VDAC2: variants seen among roughly 807,000 people sequenced by gnomAD.
VDAC2 encodes voltage dependent anion channel 2.
In VDAC2, 6 loss-of-function variants were observed where a neutral mutation model predicts 36.6. That is an observed-to-expected ratio of 0.16 (90% CI 0.09 to 0.32). The LOEUF is 0.32. Ranked by LOEUF, VDAC2 falls within the 10% of genes least tolerant of loss-of-function variation. VDAC2 has a pLI of 1.00. For missense variants in VDAC2, 247 were observed against 346.0 expected, an observed-to-expected ratio of 0.71 and a Z score of 2.27; for synonymous variants, 109 against 123.8, an observed-to-expected ratio of 0.88 and a Z score of 0.79.
chr10:75,212,447 C>A, intron 3 of VDAC2, 149 bp downstream of exon 3: 2 of 733,484 alleles, frequency 2.7e-6, no homozygotes, highest in Non-Finnish European at 2.2e-6. Flanking sequence ...GGGTCTCCCT[C>A]TGTTGCCCAG....
At chr10:75,210,725 T>A (rs1269154115), upstream of VDAC2, 2 of 159,376 alleles carry the variant, frequency 1.3e-5, no homozygotes, top group Non-Finnish European at 2.7e-5. Context: ...AGGTTGGAGT[T>A]GGCAGCGGGC....
chr10:75,217,128 G>C (rs1841630055), intron 4 of VDAC2, among the ~76,000 whole-genome samples: 1 of 151,872 alleles, frequency 6.6e-6, no homozygotes, highest in South Asian at 2.1e-4. Flanking sequence ...TTGTTGGTGG[G>C]TACCTGAAGT....
chr10:75,227,576 A>AGTTTTTT (rs1841989654), intron 8 of VDAC2, among the ~76,000 whole-genome samples: 10 of 90,760 alleles, frequency 1.1e-4, no homozygotes, highest in African/African-American at 3.8e-4. Context: ...AAATAATAGG[A>AGTTTTTT]ATTTTTTTTT....
At chr10:75,211,225 C>T (rs1428893078) in intron 2 of VDAC2, 36 bp downstream of exon 2, 3 of 1,608,572 alleles carry the variant, frequency 1.9e-6, no homozygotes, top group African/African-American at 1.3e-5. Flanking sequence ...GATGGGGCGG[C>T]GGAGAGTCGA....
chr10:75,214,923 G>A (rs115489920), intron 4 of VDAC2, among the ~76,000 whole-genome samples: 3,232 of 152,154 alleles, frequency 0.021, 130 homozygotes, highest in African/African-American at 0.073. Context: ...AACTTTTTTC[G>A]AGACAGGGTC....
upstream of VDAC2, among the ~76,000 whole-genome samples, chr10:75,210,431 G>C (rs187206163): frequency 1.3e-5 from 2 of 152,194 alleles, no homozygotes; most frequent in African/African-American, 2.4e-5. Flanking sequence ...GAGTAGGAGA[G>C]ATCTACGTGA....
At chr10:75,218,169 T>C (rs966214461) in intron 4 of VDAC2, 7 of 344,156 alleles carry the variant, frequency 2.0e-5, no homozygotes, top group African/African-American at 1.1e-4. Context: ...GGCACATTAT[T>C]ATTTTTAGAC....
At chr10:75,214,401 T>C (rs1589999027) in intron 4 of VDAC2, among the ~76,000 whole-genome samples, 1 of 152,240 alleles carries the variant, frequency 6.6e-6, no homozygotes, top group South Asian at 2.1e-4. Flanking sequence ...GTCAGAGTTA[T>C]GGGCATAAAA....
intron 8 of VDAC2, among the ~76,000 whole-genome samples, chr10:75,228,525 G>T (rs537811156): frequency 6.6e-6 from 1 of 152,298 alleles, no homozygotes; most frequent in East Asian, 1.9e-4. Context: ...AAAGTGCAGG[G>T]ATTACTGGTG....
intron 2 of VDAC2, 127 bp from the exon 3 acceptor site, chr10:75,212,103 C>A (rs1375384760): frequency 1.3e-6 from 1 of 792,662 alleles, no homozygotes; most frequent in Non-Finnish European, 2.1e-6. Context: ...AGCTCCTGAC[C>A]GCATAAAAAA....
intron 9 of VDAC2, 86 bp downstream of exon 9, chr10:75,229,787 A>G (rs957383605): frequency 1.3e-5 from 13 of 1,021,168 alleles, no homozygotes; most frequent in East Asian, 7.7e-5. Context: ...AGACCTTTCA[A>G]GCACACAGAA....
chr10:75,214,111 A>G, intron 4 of VDAC2, 41 bp downstream of exon 4: 1 of 1,596,106 alleles, frequency 6.3e-7, no homozygotes, highest in Non-Finnish European at 8.6e-7. Flanking sequence ...AACCTTTATA[A>G]TTTTTCAACT....
intron 4 of VDAC2, among the ~76,000 whole-genome samples, chr10:75,215,226 C>T (rs1841561501): frequency 1.3e-5 from 2 of 150,750 alleles, no homozygotes. Flanking sequence ...TAAAATTTAA[C>T]TTTGTGAAAT....
Position 75,212,279 on chromosome 10 carries a change from T to G in VDAC2, c.81T>G (p.Asp27Glu). The G allele has an allele frequency of 1.2e-6, 2 of 1,613,576 alleles. No homozygotes were observed. The highest frequency in any genetic ancestry group is 1.7e-6 in the Non-Finnish European group (2 of 1,179,892). The change falls in exon 3 of 10, where the codon GAT becomes GAG. Residue 27 changes from aspartate to glutamate, a missense_variant. Physicochemically the swap from Asp to Glu is conservative, Grantham distance 45. Coordinates refer to ENST00000332211, the MANE Select transcript of VDAC2 (RefSeq NM_001391963.1). ...CTGACCTTGGCAAAGCTGCCAGAGA[T>G]ATTTTCAACAAAGGATTTGGTAAGA... ...SYADLGKAAR[D>E]IFNKGFGFGL...
chr10:75,228,694 CATT>C (rs745736417), intron 8 of VDAC2, among the ~76,000 whole-genome samples: 2 of 152,224 alleles, frequency 1.3e-5, no homozygotes, highest in African/African-American at 2.4e-5. Context: ...GGATGTTACA[CATT>C]ATAAGAGTAT....
chr10:75,219,399 T>TC, intron 6 of VDAC2, 43 bp downstream of exon 6: 1 of 1,482,276 alleles, frequency 6.7e-7, no homozygotes, highest in Non-Finnish European at 9.2e-7. Flanking sequence ...TAAAAGTATT[T>TC]CTCTTTTGTA....
chr10:75,227,301 A>C (rs1841981033), intron 8 of VDAC2, among the ~76,000 whole-genome samples: 2 of 152,164 alleles, frequency 1.3e-5, no homozygotes, highest in Non-Finnish European at 2.9e-5. Context: ...AGCAGAGGCA[A>C]AAGAACCTGG....
chr10:75,211,117 T>A lies in VDAC2; in HGVS notation c.-25-17T>A. On this transcript the variant is annotated splice_polypyrimidine_tract_variant and intron_variant, in intron 1 of 9. Transcript: ENST00000332211. ...CCCTTTGACCCCAGCTTACCGCACTTCTTGTCCCTCCCGCAGATTCCCCTC... is the reference window on the plus strand; with the variant it reads ...CCCTTTGACCCCAGCTTACCGCACTACTTGTCCCTCCCGCAGATTCCCCTC... 1 of 1,602,082 alleles carries A rather than the reference T, an allele frequency of 6.2e-7. No individual in the cohort carries two copies. Among genetic ancestry groups the A allele is most frequent in the Non-Finnish European group, 8.5e-7 (1 of 1,174,134 alleles).
At chr10:75,226,367 T>C (rs1841951602) in intron 8 of VDAC2, among the ~76,000 whole-genome samples, 1 of 151,208 alleles carries the variant, frequency 6.6e-6, no homozygotes, top group South Asian at 2.1e-4. Flanking sequence ...GCCGTAAGAG[T>C]GTATTTTGTT....
Sources: allele counts gnomAD v4.1 joint callset (sites outside exome capture counted in the v4.1 genomes callset), GRCh38; gene constraint gnomAD v4.1.1; transcripts MANE v1.5; gene names NCBI Gene and HGNC (gene_info 2026-07-23, HGNC 2026-07-21).